Variants in FIG4 observed in about 807,000 individuals in gnomAD.
FIG4 encodes polyphosphoinositide phosphatase.
A neutral mutation model predicts 118.6 loss-of-function variants in FIG4; 112 were observed. The ratio of observed to expected loss-of-function variants is 0.94; its 90% CI spans 0.81 to 1.11. The LOEUF is 1.11. Ranked by LOEUF, FIG4 falls within the 50% of genes least tolerant of loss-of-function variation. FIG4 has a pLI of 0.00. For missense variants in FIG4, 969 were observed against 1,111.7 expected, an observed-to-expected ratio of 0.87 and a Z score of 1.83; for synonymous variants, 369 against 381.2, an observed-to-expected ratio of 0.97 and a Z score of 0.37.
chr6:109,811,197 G>A (rs1778711385), intron 22 of FIG4, among the ~76,000 whole-genome samples: 1 of 152,184 alleles, frequency 6.6e-6, no homozygotes, highest in Non-Finnish European at 1.5e-5. Context: ...GTGAAGCAGA[G>A]CTGTTTGAGT....
At chr6:109,778,654 A>G (rs1347277049) in intron 16 of FIG4, among the ~76,000 whole-genome samples, 1 of 151,582 alleles carries the variant, frequency 6.6e-6, no homozygotes, top group African/African-American at 2.4e-5. Context: ...GCTGGAGTGC[A>G]GTGGCGCGAT....
At chr6:109,811,911 A>T (rs1219483898) in intron 22 of FIG4, among the ~76,000 whole-genome samples, 1 of 152,116 alleles carries the variant, frequency 6.6e-6, no homozygotes, top group African/African-American at 2.4e-5. Flanking sequence ...GGCAGGAATA[A>T]ACTTGGCATG....
At chr6:109,714,299 C>A (rs1247291344) in intron 1 of FIG4, among the ~76,000 whole-genome samples, 2 of 152,134 alleles carry the variant, frequency 1.3e-5, no homozygotes, top group African/African-American at 4.8e-5. Context: ...AGCTTCTTCC[C>A]TCTTCAGCCC....
chr6:109,796,824 C>A lies in FIG4; in HGVS notation c.2519C>A (p.Ser840Tyr). Residue 840 changes from serine to tyrosine, a missense_variant, in exon 22 of 23, where the codon TCT becomes TAT. Physicochemically the swap from Ser to Tyr is moderately radical, Grantham distance 144. This residue lies in a region of FIG4 where 330 missense variants were observed against 348.1 expected (regional missense o/e 0.95). Coordinates refer to ENST00000230124, the MANE Select transcript of FIG4 (RefSeq NM_014845.6). ...KQDKNSQQPC[S>Y]RCSDGVIKLT... ...GACAAGAATAGCCAGCAGCCCTGTT[C>A]TAGGTGCTCAGATGGAGTTATAAAA... The A allele has an allele frequency of 6.2e-7, 1 of 1,608,622 alleles. No homozygotes were observed. The highest frequency in any genetic ancestry group is 8.5e-7 in the Non-Finnish European group (1 of 1,174,962).
chr6:109,728,719 A>T (rs1289157751), intron 4 of FIG4, among the ~76,000 whole-genome samples: 1 of 152,202 alleles, frequency 6.6e-6, no homozygotes, highest in South Asian at 2.1e-4. Flanking sequence ...TCTTGCACTA[A>T]CTGAAAAAGG....
intron 1 of FIG4, among the ~76,000 whole-genome samples, chr6:109,703,185 G>A (rs1326027200): frequency 6.6e-6 from 1 of 152,060 alleles, no homozygotes; most frequent in Admixed American, 6.6e-5. Flanking sequence ...ATTAAGGATT[G>A]GAATGAATTT....
intron 1 of FIG4, among the ~76,000 whole-genome samples, chr6:109,707,154 T>A (rs3823235): frequency 0.12 from 18,555 of 151,932 alleles, 2,271 homozygotes; most frequent in African/African-American, 0.31. Context: ...CTAGGAGATG[T>A]GGGATTGAAT....
At chr6:109,715,599 C>T (rs1775406169) in intron 2 of FIG4, among the ~76,000 whole-genome samples, 1 of 152,118 alleles carries the variant, frequency 6.6e-6, no homozygotes, top group African/African-American at 2.4e-5. Context: ...ACCTCTAGGA[C>T]CTTTACTGAT....
intron 1 of FIG4, among the ~76,000 whole-genome samples, chr6:109,711,403 A>G (rs1262930860): frequency 6.6e-6 from 1 of 152,060 alleles, no homozygotes; most frequent in Non-Finnish European, 1.5e-5. Context: ...CATCTCAAAA[A>G]AAACAAAAAA....
chr6:109,726,715 A>G (rs1261958999), intron 3 of FIG4, among the ~76,000 whole-genome samples: 2 of 152,102 alleles, frequency 1.3e-5, no homozygotes, highest in Non-Finnish European at 2.9e-5. Context: ...GCATTTTCAC[A>G]ATATTGATTC....
intron 16 of FIG4, among the ~76,000 whole-genome samples, chr6:109,781,269 T>G (rs760855950): frequency 6.6e-6 from 1 of 152,184 alleles, no homozygotes; most frequent in African/African-American, 2.4e-5. Context: ...TGATAATCTT[T>G]TAAATATTTG....
intron 18 of FIG4, among the ~76,000 whole-genome samples, chr6:109,787,797 G>A (rs1364340390): frequency 6.6e-6 from 1 of 152,090 alleles, no homozygotes; most frequent in African/African-American, 2.4e-5. Context: ...GGAAATACAG[G>A]GTTAGGTTCC....
At position 109,766,782 on chromosome 6, in the gene FIG4, G is replaced by C; in HGVS notation, c.1637G>C (p.Gly546Ala). 6.2e-7 allele frequency: 1 copy of C among 1,613,822 alleles called. No individual in the cohort carries two copies. The highest frequency in any genetic ancestry group is 8.5e-7 in the Non-Finnish European group (1 of 1,179,828). ...GGTGATACCCTATCCCTTCAGTATG[G>C]TGGTTCTCAACTTGTTCATCGTGTG... ...DHGDTLSLQY[G>A]GSQLVHRVKT... is the part of the protein sequence containing the mutation. Residue 546 changes from glycine to alanine, a missense_variant, in exon 15 of 23, where the codon GGT (glycine) becomes GCT (alanine). By Grantham distance (60) the Gly-to-Ala change is moderately conservative. Coordinates refer to ENST00000230124, the MANE Select transcript of FIG4 (RefSeq NM_014845.6).
At position 109,691,532 on chromosome 6, in the gene FIG4, G is replaced by A. The variant is rs764876093; in HGVS notation, c.66+31G>A. On this transcript the variant is annotated intron_variant, in intron 1 of 22. Transcript: ENST00000230124. ...TACCCCCTCGCGGCGGGGCGCAGGC[G>A]GGAGGATGGATGTCTGCCGGTGGGT... The A allele has an allele frequency of 4.5e-6, 7 of 1,542,506 alleles. No homozygotes were observed. In the Admixed American group the frequency reaches 9.7e-5, roughly 21 times the overall value.
intron 21 of FIG4, among the ~76,000 whole-genome samples, chr6:109,796,115 G>T (rs1203712574): frequency 1.3e-5 from 2 of 152,250 alleles, no homozygotes; most frequent in African/African-American, 4.8e-5. Flanking sequence ...CCTTAGTGCT[G>T]TTCAAGTCTG....
intron 10 of FIG4, 33 bp downstream of exon 10, chr6:109,743,805 T>C: frequency 6.7e-7 from 1 of 1,487,938 alleles, no homozygotes. Context: ...GTTATGAGAT[T>C]CAGACGCTCT....
At chr6:109,732,295 C>T (rs1776024121) in intron 4 of FIG4, among the ~76,000 whole-genome samples, 1 of 152,190 alleles carries the variant, frequency 6.6e-6, no homozygotes, top group Non-Finnish European at 1.5e-5. Context: ...TCTCCTCTCT[C>T]CATCCTCAAA....
At position 109,795,249 on chromosome 6, in the gene FIG4, C is replaced by T. The variant is rs140407810; in HGVS notation, c.2460-1516C>T. Among the ~76,000 whole-genome samples the T allele has an allele frequency of 5.8e-3, 886 of 151,466 alleles. 5 individuals carry two copies. The highest frequency in any genetic ancestry group is 6.8e-3 in the Middle Eastern group (2 of 292). ...ACGCCATTCTCCTGCCTCAGCCTCC[C>T]GACACTTGCCAGTTTTTAGAAAACT... On this transcript the variant is annotated intron_variant, in intron 21 of 22. Transcript: ENST00000230124.
chr6:109,778,572 A>G (rs1056649938), intron 16 of FIG4, among the ~76,000 whole-genome samples: 1 of 151,616 alleles, frequency 6.6e-6, no homozygotes, highest in African/African-American at 2.4e-5. Flanking sequence ...TTGCAAGTAC[A>G]GCTCTTGCAG....
Sources: gnomAD v4.1 joint callset for allele counts (sites outside exome capture counted in the v4.1 genomes callset) on GRCh38, gnomAD v4.1.1 for gene constraint, gnomAD v4.1.1 regional missense constraint, MANE v1.5 for transcripts, NCBI Gene and HGNC (gene_info 2026-07-23, HGNC 2026-07-21) for gene names.